The following WASHC2C variants were observed in gnomAD, a reference collection of about 807,000 sequenced individuals.
WASHC2C encodes Vaccinia Penetration Factor.
A neutral mutation model predicts 142.2 loss-of-function variants in WASHC2C; 73 were observed. That is an observed-to-expected ratio of 0.51 (90% CI 0.43 to 0.62). The LOEUF (loss-of-function observed/expected upper bound fraction) is 0.62. Ranked by LOEUF, WASHC2C falls within the 20% of genes least tolerant of loss-of-function variation. The pLI is 0.00. For missense variants in WASHC2C, 969 were observed against 1,531.7 expected (o/e 0.63, Z 6.13); for synonymous variants, 337 against 565.5 (o/e 0.60, Z 5.73).
At chr10:45,762,386 A>AT (rs2055223187) in intron 17 of WASHC2C, among the ~76,000 whole-genome samples, 1 of 151,510 alleles carries the variant, frequency 6.6e-6, no homozygotes. Flanking sequence ...CTAATCTGGT[A>AT]TTTTTACAAA....
intron 14 of WASHC2C, 61 bp from the exon 15 acceptor site, chr10:45,754,875 T>G: frequency 1.3e-6 from 2 of 1,590,978 alleles, no homozygotes; most frequent in Non-Finnish European, 1.7e-6. Context: ...AATTTTTTTC[T>G]GTAAATTCAA....
intron 3 of WASHC2C, among the ~76,000 whole-genome samples, chr10:45,734,859 G>C (rs1484081540): frequency 1.3e-5 from 2 of 151,644 alleles, no homozygotes; most frequent in Non-Finnish European, 2.9e-5. Flanking sequence ...TAGCTGGCTA[G>C]GACCACAGGT....
intron 17 of WASHC2C, among the ~76,000 whole-genome samples, chr10:45,762,432 G>A (rs1390134658): frequency 8.6e-5 from 13 of 151,470 alleles, no homozygotes; most frequent in Non-Finnish European, 1.9e-4. Flanking sequence ...CTGACCTCAG[G>A]TGATCTGCCT....
At chr10:45,741,901 C>G (rs1210421828) in intron 5 of WASHC2C, among the ~76,000 whole-genome samples, 2 of 150,950 alleles carry the variant, frequency 1.3e-5, no homozygotes, top group Non-Finnish European at 2.9e-5. Flanking sequence ...TCAAGCGATT[C>G]TCCTGCCTCA....
chr10:45,728,840 G>A lies in WASHC2C; in HGVS notation c.127-22G>A. The stretch of plus-strand genomic sequence containing the variant: ...AGTTACATGTAACATTGATACTACT[G>A]TATGTTTATTTTTTAAAATAGCTAC... On this transcript the variant is annotated intron_variant, in intron 2 of 30. Transcript: ENST00000623400. The A allele has an allele frequency of 1.9e-6, 3 of 1,610,308 alleles. No homozygotes were observed. The African/African-American group carries it at 4.0e-5, about 22-fold the overall frequency.
At chr10:45,784,309 T>TATAC (rs2057854902) in intron 23 of WASHC2C, among the ~76,000 whole-genome samples, 1 of 70,614 alleles carries the variant, frequency 1.4e-5, no homozygotes, top group African/African-American at 5.4e-5. Context: ...TATATATATA[T>TATAC]ATACACACAC....
chr10:45,762,004 T>C (rs2055157798), intron 17 of WASHC2C, among the ~76,000 whole-genome samples: 1 of 147,188 alleles, frequency 6.8e-6, no homozygotes, highest in Non-Finnish European at 1.5e-5. Flanking sequence ...AGCGACCCCA[T>C]AATTAAAAAA....
rs1554889734 is a variant in WASHC2C at position 45,785,593 on chromosome 10, A to G, written c.2773A>G (p.Ser925Gly). 3 of 1,613,864 alleles carry G rather than the reference A, an allele frequency of 1.9e-6. No homozygotes were observed. The highest frequency in any genetic ancestry group is 2.2e-5 in the East Asian group (1 of 44,900). ...NQKHPESIQG[S>G]KEKGIWKPET... ...GAAACATCCTGAATCCATTCAAGGT[A>G]GTAAAGAAAAAGGCATATGGAAGCC... The change falls in exon 26 of 31, where the codon AGT becomes GGT. Residue 925 changes from serine to glycine, a missense_variant. Coordinates refer to ENST00000623400, the MANE Select transcript of WASHC2C (RefSeq NM_001330074.2).
chr10:45,772,579 T>C (rs1451848348), intron 20 of WASHC2C, among the ~76,000 whole-genome samples: 1 of 152,044 alleles, frequency 6.6e-6, no homozygotes, highest in East Asian at 1.9e-4. Flanking sequence ...TAGCCAGGCA[T>C]GGTGACGTGT....
intron 3 of WASHC2C, among the ~76,000 whole-genome samples, chr10:45,730,915 G>A (rs1362735381): frequency 3.3e-5 from 5 of 151,638 alleles, no homozygotes; most frequent in East Asian, 3.9e-4. Flanking sequence ...CACGGCGCCC[G>A]GCAAGGGAAG....
intron 17 of WASHC2C, among the ~76,000 whole-genome samples, chr10:45,760,921 C>G (rs2054990662): frequency 6.6e-6 from 1 of 151,426 alleles, no homozygotes; most frequent in African/African-American, 2.4e-5. Context: ...TCCTTAATAC[C>G]TGTGCTTGGC....
At chr10:45,740,323 GTC>G (rs2134257308) in intron 5 of WASHC2C, 77 bp downstream of exon 5, 9 of 539,768 alleles carry the variant, frequency 1.7e-5, no homozygotes, top group Admixed American at 1.3e-4. Context: ...CGATTAGTAA[GTC>G]ATGGACTTAA....
chr10:45,765,860 A>G (rs1255072458), intron 19 of WASHC2C, 50 bp downstream of exon 19: 1 of 1,610,258 alleles, frequency 6.2e-7, no homozygotes, highest in Non-Finnish European at 8.5e-7. Flanking sequence ...ATGGGATTTA[A>G]GAGTTAAAGC....
At chr10:45,736,975 A>G (rs1337031960) in intron 3 of WASHC2C, among the ~76,000 whole-genome samples, 1 of 152,148 alleles carries the variant, frequency 6.6e-6, no homozygotes, top group Non-Finnish European at 1.5e-5. Context: ...AAAAAATTTT[A>G]ATTTCATTTC....
rs1554873660 is a variant in WASHC2C, at chr10:45,750,199, C to G, written c.836C>G (p.Thr279Ser). 6.2e-7 allele frequency: 1 copy of G among 1,611,036 alleles called. No individual in the cohort carries two copies. The highest frequency in any genetic ancestry group is 2.2e-5 in the East Asian group (1 of 44,778). The change falls in exon 9 of 31, where the codon ACT (threonine) becomes AGT (serine). Residue 279 changes from threonine to serine, a missense_variant. Transcript: ENST00000623400. Reference protein sequence around the residue: ...EEDIEDIEENTRPKRSRPTSF... With the variant: ...EEDIEDIEENSRPKRSRPTSF... ...GATATTGAGGACATTGAAGAAAATA[C>G]TAGACCTGTAAGGAAGGCTGTAGTT...
intron 23 of WASHC2C, among the ~76,000 whole-genome samples, chr10:45,780,954 G>A (rs559275155): frequency 1.6e-4 from 24 of 151,260 alleles, no homozygotes; most frequent in Admixed American, 3.3e-4. Flanking sequence ...GGGTTTCACC[G>A]TGTTGGCCAC....
chr10:45,732,184 C>G (rs1163198888), intron 3 of WASHC2C, among the ~76,000 whole-genome samples: 1 of 152,122 alleles, frequency 6.6e-6, no homozygotes, highest in Non-Finnish European at 1.5e-5. Flanking sequence ...CATTTGGTTT[C>G]ATGGTAATTT....
intron 23 of WASHC2C, among the ~76,000 whole-genome samples, chr10:45,784,273 T>C (rs1191958679): frequency 0.12 from 944 of 8,030 alleles, 51 homozygotes; most frequent in African/African-American, 0.17. Flanking sequence ...TATATATATA[T>C]ATATATATAT....
intron 5 of WASHC2C, among the ~76,000 whole-genome samples, chr10:45,741,598 C>T (rs1356881156): frequency 3.3e-5 from 5 of 152,146 alleles, no homozygotes; most frequent in Non-Finnish European, 5.9e-5. Context: ...GTTGCTGTGA[C>T]GTCGTTGAAC....
Sources: allele counts gnomAD v4.1 joint callset (sites outside exome capture counted in the v4.1 genomes callset), GRCh38; gene constraint gnomAD v4.1.1; transcripts MANE v1.5; gene names NCBI Gene and HGNC (gene_info 2026-07-23, HGNC 2026-07-21).